Variants in UBXN7 observed in about 807,000 individuals in gnomAD.
The protein encoded by UBXN7 is UBX domain protein 7, also known as UBX domain-containing protein 7.
Under a neutral mutation model 58.0 loss-of-function variants are expected in UBXN7, and 9 were observed. That is an observed-to-expected ratio of 0.16 (90% CI 0.09 to 0.27). UBXN7 has a LOEUF of 0.27. UBXN7 is among the 10% of genes least tolerant of loss of function. The pLI, the probability that UBXN7 is intolerant of heterozygous loss-of-function variation, is 1.00. For missense variants in UBXN7, 328 were observed against 599.6 expected, an observed-to-expected ratio of 0.55 and a Z score of 4.73; for synonymous variants, 208 against 205.0, an observed-to-expected ratio of 1.01 and a Z score of -0.12.
chr3:196,381,146 T>C (rs1198945246), intron 5 of UBXN7, among the ~76,000 whole-genome samples: 2 of 152,216 alleles, frequency 1.3e-5, no homozygotes, highest in Non-Finnish European at 2.9e-5. Context: ...AGCATGGTGT[T>C]TGAGCTCTGA....
In UBXN7 at chr3:196,418,314, G is replaced by GAAGGACGA. The variant is rs914564026; in HGVS notation, c.74-10922_74-10921insTCGTCCTT. ...AGAAGGAAGGAATGACGGAATGACG[G>GAAGGACGA]ACAGATAGTCCCAAGTTTACAGTAC... is the stretch of plus-strand genomic sequence containing the variant. On this transcript the variant is annotated intron_variant, in intron 1 of 10. Coordinates refer to ENST00000296328, the MANE Select transcript of UBXN7 (RefSeq NM_015562.2). 3.9e-5 allele frequency among the ~76,000 whole-genome samples: 6 copies of GAAGGACGA among 152,118 alleles called. No homozygotes were observed. In the East Asian group the frequency reaches 9.7e-4, roughly 24 times the overall value.
chr3:196,360,084 G>C (rs1728464783), intron 10 of UBXN7, among the ~76,000 whole-genome samples: 1 of 152,182 alleles, frequency 6.6e-6, no homozygotes, highest in Admixed American at 6.5e-5. Flanking sequence ...AGTTAAGGAA[G>C]CTACGAAAGA....
At chr3:196,358,173 T>C (rs888403596) in intron 10 of UBXN7, among the ~76,000 whole-genome samples, 2 of 152,184 alleles carry the variant, frequency 1.3e-5, no homozygotes, top group African/African-American at 2.4e-5. Context: ...GCCACCAGTA[T>C]GCAGAGAATG....
At position 196,348,768 on chromosome 3, in the gene UBXN7, T is replaced by C. The variant is rs1229248838; in HGVS notation, c.*7917A>G. The C allele has an allele frequency of 6.6e-6, 1 of 151,920 alleles. No homozygotes were observed. Among genetic ancestry groups the C allele is most frequent in the African/African-American group, 2.4e-5 (1 of 41,316 alleles). The allele number at this position is 151,920 out of a possible 1,614,324, so 9.4% of individuals were successfully genotyped here. On this transcript the variant is annotated 3_prime_UTR_variant, in exon 11 of 11. Coordinates refer to ENST00000296328, the MANE Select transcript of UBXN7 (RefSeq NM_015562.2). ...ACATGAAACATGTTTAAAAACACAA[T>C]CAATGAAGACATGCCAGAACTGGAC...
At chr3:196,411,499 G>A (rs1310563855) in intron 1 of UBXN7, among the ~76,000 whole-genome samples, 1 of 152,182 alleles carries the variant, frequency 6.6e-6, no homozygotes, top group Non-Finnish European at 1.5e-5. Context: ...AAAGAGAAGT[G>A]AAAATAACAG....
intron 1 of UBXN7, among the ~76,000 whole-genome samples, chr3:196,421,658 T>G (rs988190029): frequency 6.6e-6 from 1 of 151,986 alleles, no homozygotes; most frequent in African/African-American, 2.4e-5. Context: ...GCGCCTGTAG[T>G]CCCAGCTACT....
At chr3:196,369,273 TTAAATAATTA>T in intron 7 of UBXN7, 138 bp downstream of exon 7, 1 of 660,296 alleles carries the variant, frequency 1.5e-6, no homozygotes, top group Non-Finnish European at 2.6e-6. Context: ...CAATAGATGT[TTAAATAATTA>T]TAAAGGGAAA....
chr3:196,412,239 A>AG (rs1248014807), intron 1 of UBXN7, among the ~76,000 whole-genome samples: 1 of 113,654 alleles, frequency 8.8e-6, no homozygotes, highest in African/African-American at 3.0e-5. Context: ...TCAAAAAAAA[A>AG]AAAAAAAAAA....
chr3:196,371,705 A>G lies in UBXN7; in HGVS notation c.615+191T>C, dbSNP rs537288669. ...ACCATGTTGGCCAGGCTGGTCTCAA[A>G]CTCCTGACCTCAGGTGATCCGCCGG... is the stretch of plus-strand genomic sequence containing the variant. On this transcript the variant is annotated intron_variant, in intron 6 of 10. Transcript: ENST00000296328. 1.1e-4 allele frequency among the ~76,000 whole-genome samples: 16 copies of G among 151,624 alleles called. No homozygotes were observed. The East Asian group carries it at 2.5e-3, about 24-fold the overall frequency.
chr3:196,424,384 T>C (rs13096439), intron 1 of UBXN7, among the ~76,000 whole-genome samples: 2 of 41,346 alleles, frequency 4.8e-5, no homozygotes, highest in East Asian at 9.8e-3. Flanking sequence ...CTTTTCCTAA[T>C]TTTTTTTTTT....
At chr3:196,388,308 G>C (rs1383779156) in intron 5 of UBXN7, among the ~76,000 whole-genome samples, 2 of 144,830 alleles carry the variant, frequency 1.4e-5, no homozygotes, top group Non-Finnish European at 3.0e-5. Flanking sequence ...TGGGGGGCTG[G>C]GGGGCTGGGG....
chr3:196,403,066 T>C, intron 2 of UBXN7, 47 bp from the exon 3 acceptor site: 3 of 1,531,712 alleles, frequency 2.0e-6, no homozygotes, highest in African/African-American at 1.4e-5. Flanking sequence ...TGTTTTCTGC[T>C]ACCTGTTTGC....
In UBXN7 at chr3:196,368,130, C is replaced by T; in HGVS notation, c.732G>A (p.Gln244=). The T allele has an allele frequency of 6.2e-7, 1 of 1,613,988 alleles. No homozygotes were observed. Residue 244 remains glutamine (Q), a synonymous_variant, in exon 8 of 11, where the codon CAG becomes CAA. Transcript: ENST00000296328. ...GGTCCAAGAAAGAAGATACATCTAA[C>T]TGGTGCCATTCTACTAGCTTCTGAC... is the stretch of plus-strand genomic sequence containing the variant. ...RTGQKLVEWH[Q]LDVSSFLDQV...
chr3:196,376,918 C>T (rs1729046016), intron 5 of UBXN7, among the ~76,000 whole-genome samples: 1 of 151,820 alleles, frequency 6.6e-6, no homozygotes, highest in Non-Finnish European at 1.5e-5. Flanking sequence ...TGGTGGCACA[C>T]GCCCATAATC....
intron 8 of UBXN7, among the ~76,000 whole-genome samples, chr3:196,363,456 A>ACCAT (rs1728568524): frequency 6.6e-6 from 1 of 151,080 alleles, no homozygotes; most frequent in Non-Finnish European, 1.5e-5. Flanking sequence ...AAAGATCGAG[A>ACCAT]CCATCCTGGC....
At chr3:196,401,296 T>C (rs55879005) in intron 3 of UBXN7, among the ~76,000 whole-genome samples, 1,457 of 77,100 alleles carry the variant, frequency 0.019, 19 homozygotes, top group Non-Finnish European at 0.024. Context: ...TATATATATA[T>C]ATACACACAC....
chr3:196,387,683 C>T (rs1322087207), intron 5 of UBXN7, among the ~76,000 whole-genome samples: 1 of 152,136 alleles, frequency 6.6e-6, no homozygotes, highest in Non-Finnish European at 1.5e-5. Flanking sequence ...CGAACAGACA[C>T]ATGAAAAAAT....
At chr3:196,409,477 T>C (rs1730258550) in intron 1 of UBXN7, among the ~76,000 whole-genome samples, 1 of 152,110 alleles carries the variant, frequency 6.6e-6, no homozygotes, top group Non-Finnish European at 1.5e-5. Context: ...TCATGTGCCT[T>C]GAAATTTTAA....
At position 196,424,536 on chromosome 3, in the gene UBXN7, C is replaced by A. The variant is rs116259406; in HGVS notation, c.73+7791G>T. Among the ~76,000 whole-genome samples, 643 of 151,584 alleles carry A rather than the reference C, an allele frequency of 4.2e-3. 4 individuals are homozygous for A. The highest frequency in any genetic ancestry group is 0.014 in the African/African-American group (597 of 41,360). On this transcript the variant is annotated intron_variant, in intron 1 of 10. Transcript: ENST00000296328. ...CAACCAGGATTACAGGTGCACACCACCAGGCCCAGTTAATTTTTTTTTACT... is the reference window on the plus strand; with the variant it reads ...CAACCAGGATTACAGGTGCACACCAACAGGCCCAGTTAATTTTTTTTTACT...
Sources: allele counts gnomAD v4.1 joint callset (sites outside exome capture counted in the v4.1 genomes callset), GRCh38; gene constraint gnomAD v4.1.1; transcripts MANE v1.5; gene names NCBI Gene and HGNC (gene_info 2026-07-23, HGNC 2026-07-21).